The following GRIP1 variants were observed in gnomAD, a reference collection of about 807,000 sequenced individuals.
GRIP1 encodes the protein glutamate receptor-interacting protein 1.
In GRIP1, 45 loss-of-function variants were observed where a neutral mutation model predicts 129.9. The ratio of observed to expected loss-of-function variants is 0.35; its 90% CI spans 0.27 to 0.44. The LOEUF (loss-of-function observed/expected upper bound fraction) is 0.44, where lower values mean the gene tolerates loss of function less well. Among genes scored for constraint, GRIP1 ranks in the 20% least tolerant of loss-of-function variants. The pLI is 1.00. For synonymous variants in GRIP1, 530 were observed against 520.8 expected (o/e 1.02, Z -0.24); for missense variants, 1,196 against 1,396.8 (o/e 0.86, Z 2.29).
intron 1 of GRIP1, among the ~76,000 whole-genome samples, chr12:66,736,663 T>C (rs894053728): frequency 6.6e-6 from 1 of 151,972 alleles, no homozygotes; most frequent in Non-Finnish European, 1.5e-5. Context: ...ATCTGCACAC[T>C]AGTGAACCCA....
chr12:66,481,790 C>A (rs2041264412), intron 7 of GRIP1, among the ~76,000 whole-genome samples: 1 of 152,134 alleles, frequency 6.6e-6, no homozygotes, highest in South Asian at 2.1e-4. Flanking sequence ...GAGTTCATGT[C>A]CTTTGCAGGG....
intron 1 of GRIP1, among the ~76,000 whole-genome samples, chr12:66,715,528 C>T (rs149629470): frequency 6.8e-6 from 1 of 146,598 alleles, no homozygotes; most frequent in East Asian, 2.0e-4. Flanking sequence ...ACTGTCTCCC[C>T]TCTAGATTAA....
At chr12:66,955,922 G>A (rs770669486) in intron 1 of GRIP1, among the ~76,000 whole-genome samples, 3 of 152,262 alleles carry the variant, frequency 2.0e-5, no homozygotes, top group Non-Finnish European at 4.4e-5. Context: ...AAGAGCTTTC[G>A]AGTGAATTAA....
chr12:66,570,122 T>C (rs2062909485), intron 2 of GRIP1, among the ~76,000 whole-genome samples: 2 of 151,968 alleles, frequency 1.3e-5, no homozygotes, highest in South Asian at 2.1e-4. Flanking sequence ...TATGTATGTA[T>C]GTATGTATAT....
chr12:66,746,604 T>C lies in GRIP1; in HGVS notation c.-420+57449A>G, dbSNP rs116170585. On this transcript the variant is annotated intron_variant, in intron 1 of 4. Coordinates refer to the GRIP1 transcript ENST00000538373. ...CCTTTGGTACCCTCCTGTTGCTCTC[T>C]ACTCGTGCTGGTCTACCAGATGCCC... Among the ~76,000 whole-genome samples, 222 of 152,304 alleles carry C rather than the reference T, an allele frequency of 1.5e-3. 1 individual carries two copies. The highest frequency in any genetic ancestry group is 5.0e-3 in the African/African-American group (209 of 41,568).
At chr12:66,505,539 A>C (rs2060503863) in intron 7 of GRIP1, among the ~76,000 whole-genome samples, 1 of 152,204 alleles carries the variant, frequency 6.6e-6, no homozygotes, top group Admixed American at 6.5e-5. Context: ...AAAACTGTAA[A>C]TCACTACCCT....
At chr12:66,624,622 G>A (rs1256989925) in intron 1 of GRIP1, among the ~76,000 whole-genome samples, 1 of 152,066 alleles carries the variant, frequency 6.6e-6, no homozygotes, top group African/African-American at 2.4e-5. Flanking sequence ...CAAGTACTAG[G>A]CTGATGGATA....
chr12:66,982,168 A>G (rs942912183), intron 1 of GRIP1, among the ~76,000 whole-genome samples: 11 of 152,232 alleles, frequency 7.2e-5, no homozygotes, highest in Non-Finnish European at 1.5e-4. Flanking sequence ...TCTAGCACTG[A>G]AATCCAGTTA....
intron 5 of GRIP1, among the ~76,000 whole-genome samples, chr12:66,525,747 G>C (rs1297909251): frequency 1.3e-5 from 2 of 152,156 alleles, no homozygotes; most frequent in Non-Finnish European, 2.9e-5. Flanking sequence ...AATTGTCCCT[G>C]TTTGCAGATG....
chr12:66,558,652 A>C lies in GRIP1; in HGVS notation c.137-16702T>G, dbSNP rs572994921. The stretch of plus-strand genomic sequence containing the variant: ...CTGAAATCCAAAATCTGAACTGACC[A>C]TAACTCATAACAAGTAATGAGATTA... On this transcript the variant is annotated intron_variant, in intron 2 of 24. Transcript: ENST00000359742. 4.8e-4 allele frequency among the ~76,000 whole-genome samples: 73 copies of C among 152,278 alleles called. No individual in the cohort carries two copies. The South Asian group carries it at 0.013, about 28-fold the overall frequency.
At chr12:66,532,883 C>A (rs2061499608) in intron 4 of GRIP1, among the ~76,000 whole-genome samples, 1 of 152,028 alleles carries the variant, frequency 6.6e-6, no homozygotes, top group East Asian at 1.9e-4. Context: ...AAAAATGACT[C>A]CTTAGGATAG....
intron 1 of GRIP1, among the ~76,000 whole-genome samples, chr12:66,769,482 C>T (rs1275973778): frequency 1.3e-5 from 2 of 152,098 alleles, no homozygotes; most frequent in South Asian, 2.1e-4. Context: ...GGCCACCAGA[C>T]CCCAACATGA....
chr12:66,633,991 A>G (rs1464537100), intron 1 of GRIP1, among the ~76,000 whole-genome samples: 1 of 152,234 alleles, frequency 6.6e-6, no homozygotes, highest in Non-Finnish European at 1.5e-5. Flanking sequence ...TCAGTTTTTC[A>G]GAGACATAAA....
intron 2 of GRIP1, among the ~76,000 whole-genome samples, chr12:66,554,387 T>A (rs4362212): frequency 1.3e-5 from 2 of 151,988 alleles, no homozygotes; most frequent in Admixed American, 1.3e-4. Flanking sequence ...TAGTCAGCAG[T>A]GGTAGCCAGG....
At chr12:66,460,419 A>G (rs2059102014) in intron 9 of GRIP1, among the ~76,000 whole-genome samples, 1 of 152,160 alleles carries the variant, frequency 6.6e-6, no homozygotes, top group African/African-American at 2.4e-5. Flanking sequence ...GTTGCCCTGG[A>G]GCTCTCAAAT....
At chr12:67,033,186 A>G (rs1279195713) in intron 1 of GRIP1, among the ~76,000 whole-genome samples, 1 of 151,672 alleles carries the variant, frequency 6.6e-6, no homozygotes, top group East Asian at 1.9e-4. Flanking sequence ...ATATATAATC[A>G]AACATAGTGA....
At chr12:66,564,526 T>C (rs1033057281) in intron 2 of GRIP1, among the ~76,000 whole-genome samples, 8 of 151,776 alleles carry the variant, frequency 5.3e-5, no homozygotes, top group Admixed American at 4.6e-4. Flanking sequence ...CAGTCTACTA[T>C]TGTTGGACAT....
Position 66,943,896 on chromosome 12 carries a change from T to C in GRIP1, c.58+125154A>G, listed in dbSNP as rs116822441. On this transcript the variant is annotated intron_variant, in intron 1 of 1. Transcript: ENST00000643019. ...GTTAGAAGCAGGCAGCAGAGTCCTA[T>C]ATAACATTCTCATAGGTTAAGTATT... 5.8e-3 allele frequency among the ~76,000 whole-genome samples: 889 copies of C among 152,328 alleles called. 8 individuals carry two copies. The highest frequency in any genetic ancestry group is 0.021 in the African/African-American group (855 of 41,566).
At chr12:66,434,370 G>C (rs1490365438) in intron 13 of GRIP1, among the ~76,000 whole-genome samples, 1 of 152,168 alleles carries the variant, frequency 6.6e-6, no homozygotes, top group African/African-American at 2.4e-5. Flanking sequence ...GAGTGTCACG[G>C]ACTGAGTTAA....
Sources: gnomAD v4.1 joint callset for allele counts (sites outside exome capture counted in the v4.1 genomes callset) on GRCh38, gnomAD v4.1.1 for gene constraint, MANE v1.5 for transcripts, NCBI Gene and HGNC (gene_info 2026-07-23, HGNC 2026-07-21) for gene names.